Variants in CD86 observed in about 807,000 individuals in gnomAD.
CD86 encodes the protein T-lymphocyte activation antigen CD86.
CD86 carries 11 observed loss-of-function variants against 32.1 expected under a neutral mutation model. The observed-to-expected ratio is 0.34, with a 90% CI of 0.22 to 0.57. The LOEUF is 0.57. Ranked by LOEUF, CD86 falls within the 20% of genes least tolerant of loss-of-function variation. The probability of loss-of-function intolerance (pLI) is 0.86; values close to 1 mark genes in which losing one functional copy is unlikely to be tolerated. For missense variants in CD86, 359 were observed against 398.4 expected (o/e 0.90, Z 0.84); for synonymous variants, 137 against 135.3 (o/e 1.01, Z -0.09).
intron 1 of CD86, among the ~76,000 whole-genome samples, chr3:122,063,402 G>T (rs924451934): frequency 6.6e-6 from 1 of 152,078 alleles, no homozygotes; most frequent in Non-Finnish European, 1.5e-5. Context: ...ATTATTTAAT[G>T]TAATGAAAAA....
At chr3:122,062,848 T>C (rs984836539) in intron 1 of CD86, among the ~76,000 whole-genome samples, 16 of 152,198 alleles carry the variant, frequency 1.1e-4, no homozygotes, top group African/African-American at 3.9e-4. Context: ...ACTCACATTC[T>C]TTGCTTTAAA....
chr3:122,118,235 A>G (rs545825606), intron 6 of CD86, 142 bp downstream of exon 6: 7 of 677,480 alleles, frequency 1.0e-5, no homozygotes, highest in Non-Finnish European at 1.9e-5. Flanking sequence ...AAAACTAGTT[A>G]AGAACTGGAA....
At chr3:122,080,791 G>A (rs2072623121) in intron 1 of CD86, among the ~76,000 whole-genome samples, 1 of 152,154 alleles carries the variant, frequency 6.6e-6, no homozygotes, top group South Asian at 2.1e-4. Flanking sequence ...CATGGCTGGT[G>A]GGAGCTTGAG....
intron 1 of CD86, among the ~76,000 whole-genome samples, chr3:122,090,271 C>T (rs1371463317): frequency 6.6e-6 from 1 of 152,160 alleles, no homozygotes; most frequent in Non-Finnish European, 1.5e-5. Context: ...GCACTGGGTG[C>T]TATGAGAGCA....
rs1298845034 is a variant in CD86, at chr3:122,109,358, T to G, written c.797T>G (p.Ile266Ser). The G allele has an allele frequency of 6.2e-7, 1 of 1,614,056 alleles. No individual in the cohort carries two copies. The highest frequency in any genetic ancestry group is 8.5e-7 in the Non-Finnish European group (1 of 1,180,010). The change falls in exon 5 of 7, where the codon ATT becomes AGT. Residue 266 changes from isoleucine (I) to serine (S), a missense_variant. By Grantham distance (142) the Ile-to-Ser change is moderately radical. Transcript: ENST00000330540. ...VIICVMVFCL[I>S]LWKWKKKKRP... ...ATATGTGTGATGGTTTTCTGTCTAA[T>G]TCTATGGAAATGGAAGAAGAAGAAG...
At chr3:122,114,237 G>A (rs1365052909) in intron 5 of CD86, among the ~76,000 whole-genome samples, 1 of 151,564 alleles carries the variant, frequency 6.6e-6, no homozygotes, top group Non-Finnish European at 1.5e-5. Context: ...GGTGACAGAA[G>A]ATCAAGATTC....
intron 1 of CD86, among the ~76,000 whole-genome samples, chr3:122,085,004 G>A (rs1440685421): frequency 1.3e-5 from 2 of 152,112 alleles, no homozygotes; most frequent in Non-Finnish European, 2.9e-5. Context: ...ACATTTCTCT[G>A]TATGATTACT....
chr3:122,059,408 G>A (rs960971186), intron 1 of CD86, among the ~76,000 whole-genome samples: 10 of 151,736 alleles, frequency 6.6e-5, no homozygotes, highest in African/African-American at 2.2e-4. Flanking sequence ...AAATCAAGTG[G>A]GCCTGTAGTC....
At chr3:122,061,429 A>G (rs934728780) in intron 1 of CD86, among the ~76,000 whole-genome samples, 2 of 152,238 alleles carry the variant, frequency 1.3e-5, no homozygotes, top group African/African-American at 4.8e-5. Flanking sequence ...AGAAATAAAC[A>G]TGACAAAAAG....
intron 2 of CD86, among the ~76,000 whole-genome samples, chr3:122,103,033 C>T (rs2107537895): frequency 6.6e-6 from 1 of 151,992 alleles, no homozygotes; most frequent in South Asian, 2.1e-4. Context: ...CCATAGCAGA[C>T]CAAGGAATAT....
chr3:122,107,156 G>A lies in CD86; in HGVS notation c.703+656G>A, dbSNP rs894602188. On this transcript the variant is annotated intron_variant, in intron 4 of 6. Coordinates refer to ENST00000330540, the MANE Select transcript of CD86 (RefSeq NM_175862.5). ...TCAGAGGTAGGCAAGATCCCTGAGG[G>A]TCAGGGAATGGTTCCTAAAGGAAGG... Among the ~76,000 whole-genome samples, 4 of 152,186 alleles carry A rather than the reference G, an allele frequency of 2.6e-5. No homozygotes were observed. In the South Asian group the frequency reaches 6.2e-4, roughly 24 times the overall value.
intron 1 of CD86, among the ~76,000 whole-genome samples, chr3:122,058,586 A>C (rs1050348134): frequency 6.6e-6 from 1 of 152,000 alleles, no homozygotes; most frequent in Non-Finnish European, 1.5e-5. Context: ...TGCATGGGGG[A>C]ATTTTAAGTA....
rs367985528 is a variant in CD86, at chr3:122,108,650, G to A, written c.704-615G>A. Among the ~76,000 whole-genome samples, 11 of 152,184 alleles carry A rather than the reference G, an allele frequency of 7.2e-5. No individual in the cohort carries two copies. In the South Asian group the frequency reaches 1.7e-3, roughly 23 times the overall value. ...ATGTAAGGAAGTAGTTCCTGAAGGC[G>A]TGAAGGTTCCTCAAGGCATGAAGAA... On this transcript the variant is annotated intron_variant, in intron 4 of 6. Coordinates refer to ENST00000330540, the MANE Select transcript of CD86 (RefSeq NM_175862.5).
At chr3:122,113,326 TC>T (rs1267434854) in intron 5 of CD86, among the ~76,000 whole-genome samples, 4 of 152,258 alleles carry the variant, frequency 2.6e-5, no homozygotes, top group African/African-American at 9.6e-5. Context: ...TGTGCATGTG[TC>T]TTTTTCATAT....
intron 1 of CD86, among the ~76,000 whole-genome samples, chr3:122,087,273 C>T (rs999981003): frequency 6.6e-6 from 1 of 152,192 alleles, no homozygotes. Context: ...TGACAGAAAT[C>T]TCCTCTCAGA....
intron 2 of CD86, among the ~76,000 whole-genome samples, chr3:122,099,366 C>A (rs1255291853): frequency 1.9e-4 from 29 of 152,130 alleles, no homozygotes; most frequent in Non-Finnish European, 5.9e-5. Context: ...ATAAAGGCAG[C>A]AATTGCTGCT....
intron 1 of CD86, among the ~76,000 whole-genome samples, chr3:122,072,341 C>T (rs1290953803): frequency 1.3e-5 from 2 of 151,128 alleles, no homozygotes; most frequent in Non-Finnish European, 3.0e-5. Flanking sequence ...TTTACAGTCC[C>T]ACCAACAGTG....
At chr3:122,116,391 A>G (rs2073251051) in intron 5 of CD86, among the ~76,000 whole-genome samples, 1 of 152,172 alleles carries the variant, frequency 6.6e-6, no homozygotes, top group Non-Finnish European at 1.5e-5. Flanking sequence ...CACAGTCACA[A>G]CATCATTAGT....
At chr3:122,113,748 G>A (rs1175477275) in intron 5 of CD86, among the ~76,000 whole-genome samples, 1 of 152,092 alleles carries the variant, frequency 6.6e-6, no homozygotes, top group Non-Finnish European at 1.5e-5. Flanking sequence ...AAGCATCTGG[G>A]AACTCAGTCA....
Sources: gnomAD v4.1 joint callset for allele counts (sites outside exome capture counted in the v4.1 genomes callset) on GRCh38, gnomAD v4.1.1 for gene constraint, MANE v1.5 for transcripts, NCBI Gene and HGNC (gene_info 2026-07-23, HGNC 2026-07-21) for gene names.